The following ZNF729 variants were observed in gnomAD, a reference collection of about 807,000 sequenced individuals.
ZNF729 encodes the protein zinc finger protein 729.
ZNF729 carries 15 observed loss-of-function variants against 12.2 expected under a neutral mutation model. The observed-to-expected ratio is 1.23, with a 90% CI of 0.82 to 1.89. The LOEUF (loss-of-function observed/expected upper bound fraction) is 1.89, where lower values mean the gene tolerates loss of function less well. ZNF729 is among the 40% of genes most tolerant of loss of function. The pLI, the probability that ZNF729 is intolerant of heterozygous loss-of-function variation, is 0.00. For synonymous variants in ZNF729, 492 were observed against 476.3 expected (o/e 1.03, Z -0.43); for missense variants, 1,540 against 1,456.7 (o/e 1.06, Z -0.93).
Position 22,315,722 on chromosome 19 carries a change from A to C in ZNF729, c.2305A>C (p.Lys769Gln). The change falls in exon 4 of 4, where the codon AAA becomes CAA. Residue 769 changes from lysine (K) to glutamine (Q), a missense_variant. Physicochemically the swap from Lys to Gln is moderately conservative, Grantham distance 53. Transcript: ENST00000601693. ...AATTCATACTAGGGAGAAATTGTACAAATGTGAAGAATGTGTCAAAGCTTT... is the reference window on the plus strand; with the variant it reads ...AATTCATACTAGGGAGAAATTGTACCAATGTGAAGAATGTGTCAAAGCTTT... The part of the protein sequence containing the change: ...KVIHTREKLY[K>Q]CEECVKAFNS... 6.2e-7 allele frequency: 1 copy of C among 1,606,084 alleles called. No homozygotes were observed. The highest frequency in any genetic ancestry group is 2.2e-5 in the East Asian group (1 of 44,742).
chr19:22,314,545 C>T lies in ZNF729; in HGVS notation c.1128C>T (p.Tyr376=). Residue 376 remains tyrosine (Y), a synonymous_variant, in exon 4 of 4, where the codon TAC becomes TAT. Transcript: ENST00000601693. The part of the protein sequence containing the change: ...HEIIHTGEKP[Y]KCEECGKAFK... ...TAATTCATACTGGAGAGAAACCCTA[C>T]AAATGTGAAGAATGTGGTAAAGCTT... The T allele has an allele frequency of 6.2e-7, 1 of 1,611,600 alleles. No homozygotes were observed. The highest frequency in any genetic ancestry group is 1.3e-5 in the African/African-American group (1 of 74,964).
At chr19:22,296,085 T>C (rs1371972773) in intron 1 of ZNF729, among the ~76,000 whole-genome samples, 1 of 152,176 alleles carries the variant, frequency 6.6e-6, no homozygotes, top group Non-Finnish European at 1.5e-5. Flanking sequence ...GCCTGAAGTT[T>C]TCTATTTTTT....
chr19:22,313,820 C>T lies in ZNF729; in HGVS notation c.403C>T (p.His135Tyr). 6.3e-7 allele frequency: 1 copy of T among 1,590,006 alleles called. No homozygotes were observed. The highest frequency in any genetic ancestry group is 8.5e-7 in the Non-Finnish European group (1 of 1,170,320). Residue 135 changes from histidine (H) to tyrosine (Y), a missense_variant, in exon 4 of 4, where the codon CAC (histidine) becomes TAC (tyrosine). His to Tyr is a moderately conservative substitution (Grantham distance 83, BLOSUM62 2). Coordinates refer to ENST00000601693, the MANE Select transcript of ZNF729 (RefSeq NM_001242680.2). ...DCKSANEGKM[H>Y]KEGYNKLNQC... ...TAAAAGTGCCAATGAGGGTAAGATG[C>T]ACAAAGAAGGTTATAATAAACTTAA...
chr19:22,287,835 A>G (rs961711789), intron 1 of ZNF729, among the ~76,000 whole-genome samples: 2 of 147,920 alleles, frequency 1.4e-5, no homozygotes, highest in Admixed American at 6.9e-5. Context: ...TCTGATTCAC[A>G]TTACTATTTG....
chr19:22,309,317 T>C lies in ZNF729; in HGVS notation c.254-4354T>C, dbSNP rs559640632. 3.3e-5 allele frequency among the ~76,000 whole-genome samples: 5 copies of C among 152,154 alleles called. No homozygotes were observed. In the East Asian group the frequency reaches 9.7e-4, roughly 30 times the overall value. On this transcript the variant is annotated intron_variant, in intron 3 of 3. Transcript: ENST00000601693. ...AAAATTAGCCAGGTGCAGTGGTGGG[T>C]GCCTGTAATCCCAGCTACTCGGGAG...
chr19:22,294,657 C>CTTTTTTTTTT (rs71180535), intron 1 of ZNF729, among the ~76,000 whole-genome samples: 2 of 92,440 alleles, frequency 2.2e-5, no homozygotes, highest in Non-Finnish European at 4.6e-5. Context: ...TTTTCTTTTT[C>CTTTTTTTTTT]TTTTTTTTTT....
At chr19:22,304,527 G>A (rs1170019517) in intron 2 of ZNF729, among the ~76,000 whole-genome samples, 161 bp from the exon 3 acceptor site, 2 of 152,150 alleles carry the variant, frequency 1.3e-5, no homozygotes, top group South Asian at 2.1e-4. Context: ...AAAATTAAGG[G>A]CCTGTACAAA....
chr19:22,308,261 A>G (rs1488356916), intron 3 of ZNF729, among the ~76,000 whole-genome samples: 1 of 152,104 alleles, frequency 6.6e-6, no homozygotes, highest in African/African-American at 2.4e-5. Context: ...TTATCCACTC[A>G]TTGGTTAATA....
intron 1 of ZNF729, among the ~76,000 whole-genome samples, chr19:22,301,256 A>G (rs1394768116): frequency 6.6e-6 from 1 of 152,224 alleles, no homozygotes; most frequent in Non-Finnish European, 1.5e-5. Flanking sequence ...TTACAAATCA[A>G]CTTGTAATCA....
chr19:22,297,790 G>A (rs1196992770), intron 1 of ZNF729, among the ~76,000 whole-genome samples: 2 of 151,738 alleles, frequency 1.3e-5, no homozygotes, highest in African/African-American at 4.8e-5. Context: ...GATCACCTGA[G>A]GTCAGGAATT....
chr19:22,314,294 A>G lies in ZNF729; in HGVS notation c.877A>G (p.Lys293Glu), dbSNP rs777835783. 12 of 1,610,576 alleles carry G rather than the reference A, an allele frequency of 7.5e-6. No homozygotes were observed. The highest frequency in any genetic ancestry group is 2.7e-5 in the African/African-American group (2 of 74,858). Residue 293 changes from lysine to glutamate, a missense_variant, in exon 4 of 4, where the codon AAA becomes GAA. By Grantham distance (56) the Lys-to-Glu change is moderately conservative. Coordinates refer to ENST00000601693, the MANE Select transcript of ZNF729 (RefSeq NM_001242680.2). ...AATTCATACTGGAGAGAAAACCTAC[A>G]AATGTGAAGAATGTGGCAAAGCTTT... is the stretch of plus-strand genomic sequence containing the variant. ...KRIHTGEKTYKCEECGKAFKG... is the reference protein window; with the variant it reads ...KRIHTGEKTYECEECGKAFKG...
intron 3 of ZNF729, among the ~76,000 whole-genome samples, chr19:22,305,704 A>T (rs1438678368): frequency 6.6e-6 from 1 of 151,820 alleles, no homozygotes; most frequent in Non-Finnish European, 1.5e-5. Context: ...TCTGTTACTT[A>T]CAGACTATTT....
intron 1 of ZNF729, among the ~76,000 whole-genome samples, chr19:22,294,634 ACTTTTTTTTTTTTTTTCTTTTT>A (rs1179896041): frequency 7.3e-6 from 1 of 137,004 alleles, no homozygotes; most frequent in Non-Finnish European, 1.6e-5. Context: ...GTTATCTCGG[ACTTTTTTTTTTTTTTTCTTTTT>A]CTTTTTTTTT....
chr19:22,312,694 A>T (rs1968466209), intron 3 of ZNF729, among the ~76,000 whole-genome samples: 1 of 152,164 alleles, frequency 6.6e-6, no homozygotes, highest in Admixed American at 6.6e-5. Context: ...AAATAAATAT[A>T]TATGTGCTAC....
chr19:22,309,594 G>A, intron 3 of ZNF729, among the ~76,000 whole-genome samples: 1 of 151,640 alleles, frequency 6.6e-6, no homozygotes, highest in East Asian at 1.9e-4. Context: ...GTACCATGCT[G>A]TTTTCATGAC....
chr19:22,303,828 A>G lies in ZNF729; in HGVS notation c.101A>G (p.Gln34Arg). 1.9e-6 allele frequency: 3 copies of G among 1,576,272 alleles called. No individual in the cohort carries two copies. Among genetic ancestry groups the G allele is most frequent in the Non-Finnish European group, 2.6e-6 (3 of 1,156,384 alleles). ...GAGTGGCAATGCCTGGACACGGTTC[A>G]GCAGAATTTATATAGGGATGTGATG... ...LEEWQCLDTV[Q>R]QNLYRDVMLE... Residue 34 changes from glutamine (Q) to arginine (R), a missense_variant, in exon 2 of 4, where the codon CAG (glutamine) becomes CGG (arginine). Gln to Arg is a conservative substitution (Grantham distance 43). Coordinates refer to ENST00000601693, the MANE Select transcript of ZNF729 (RefSeq NM_001242680.2).
intron 3 of ZNF729, among the ~76,000 whole-genome samples, chr19:22,312,994 T>A (rs1311801995): frequency 1.3e-5 from 2 of 152,164 alleles, no homozygotes; most frequent in African/African-American, 4.8e-5. Context: ...ATTACAGGCA[T>A]GAGCCACTGC....
intron 3 of ZNF729, among the ~76,000 whole-genome samples, chr19:22,308,904 C>G (rs2116919): frequency 0.67 from 101,465 of 151,956 alleles, 34,990 homozygotes; most frequent in African/African-American, 0.84. Context: ...CCACAAGATA[C>G]AGAGAGAACC....
intron 2 of ZNF729, among the ~76,000 whole-genome samples, chr19:22,304,401 G>A (rs1968353652): frequency 6.6e-6 from 1 of 152,094 alleles, no homozygotes; most frequent in Non-Finnish European, 1.5e-5. Flanking sequence ...GAGCAGATCT[G>A]TATTTTTCAC....
Sources: allele counts gnomAD v4.1 joint callset (sites outside exome capture counted in the v4.1 genomes callset), GRCh38; gene constraint gnomAD v4.1.1; transcripts MANE v1.5; gene names NCBI Gene and HGNC (gene_info 2026-07-23, HGNC 2026-07-21).